SPAST: variants seen among roughly 807,000 people sequenced by gnomAD.
SPAST encodes the protein spastic paraplegia 4 (autosomal dominant; spastin).
Under a neutral mutation model 76.6 loss-of-function variants are expected in SPAST, and 30 were observed. The ratio of observed to expected loss-of-function variants is 0.39; its 90% CI spans 0.29 to 0.53. The LOEUF is 0.53. Ranked by LOEUF, SPAST falls within the 20% of genes least tolerant of loss-of-function variation. The pLI is 0.68. For missense variants in SPAST, 717 were observed against 770.5 expected, an observed-to-expected ratio of 0.93 and a Z score of 0.82; for synonymous variants, 305 against 281.0, an observed-to-expected ratio of 1.09 and a Z score of -0.86.
intron 13 of SPAST, among the ~76,000 whole-genome samples, chr2:32,143,001 C>G (rs902670123): frequency 6.6e-6 from 1 of 152,126 alleles, no homozygotes; most frequent in Non-Finnish European, 1.5e-5. Context: ...TGTGGTGTCT[C>G]ACGCCTATAA....
At chr2:32,100,124 A>C (rs931779095) in intron 4 of SPAST, among the ~76,000 whole-genome samples, 1 of 152,118 alleles carries the variant, frequency 6.6e-6, no homozygotes, top group African/African-American at 2.4e-5. Context: ...TTAGATTCCC[A>C]AAAGTAGCGT....
chr2:32,070,083 T>G (rs1431476133), intron 1 of SPAST, among the ~76,000 whole-genome samples: 2 of 150,196 alleles, frequency 1.3e-5, no homozygotes, highest in Admixed American at 6.7e-5. Flanking sequence ...TTTTTTTTTT[T>G]GTAATGGAGT....
At chr2:32,145,144 T>C in intron 15 of SPAST, 137 bp downstream of exon 15, 1 of 638,100 alleles carries the variant, frequency 1.6e-6, no homozygotes, top group South Asian at 1.8e-5. Context: ...CAGGCTGTAG[T>C]GCAGTGGCAC....
intron 4 of SPAST, among the ~76,000 whole-genome samples, chr2:32,112,377 T>G (rs1406520525): frequency 1.4e-5 from 2 of 145,390 alleles, no homozygotes; most frequent in Admixed American, 1.4e-4. Flanking sequence ...AGACGGAGTC[T>G]CACTCTGTTG....
chr2:32,137,312 ATC>A lies in SPAST; in HGVS notation c.1493+128_1493+129del, dbSNP rs1041628152. The A allele has an allele frequency of 3.1e-5, 25 of 818,284 alleles. No homozygotes were observed. In the Admixed American group the frequency reaches 4.7e-4, roughly 15 times the overall value. The allele number at this position is 818,284 out of a possible 1,614,324, so 50.7% of individuals were successfully genotyped here. On this transcript the variant is annotated intron_variant, in intron 12 of 16. Coordinates refer to ENST00000315285, the MANE Select transcript of SPAST (RefSeq NM_014946.4). ...AAATTCACTATTTTCTTCCAGTACT[ATC>A]TCTAGCCTCTTGTTACCAACTACAT...
At chr2:32,085,631 G>T (rs1677445003) in intron 1 of SPAST, among the ~76,000 whole-genome samples, 1 of 152,176 alleles carries the variant, frequency 6.6e-6, no homozygotes, top group Non-Finnish European at 1.5e-5. Flanking sequence ...ACCTGTTTAA[G>T]GGGATGAATA....
intron 3 of SPAST, among the ~76,000 whole-genome samples, chr2:32,096,289 G>T (rs1334834124): frequency 6.6e-6 from 1 of 152,148 alleles, no homozygotes; most frequent in Non-Finnish European, 1.5e-5. Flanking sequence ...ACAAAAATTA[G>T]CTGGGCATGG....
At chr2:32,090,443 T>G (rs1677665613) in intron 3 of SPAST, among the ~76,000 whole-genome samples, 1 of 152,218 alleles carries the variant, frequency 6.6e-6, no homozygotes, top group Non-Finnish European at 1.5e-5. Context: ...TTTCATATTA[T>G]ACCTCTAAAA....
At chr2:32,137,541 G>A (rs1321845331) in intron 12 of SPAST, among the ~76,000 whole-genome samples, 1 of 152,154 alleles carries the variant, frequency 6.6e-6, no homozygotes, top group Non-Finnish European at 1.5e-5. Flanking sequence ...CTGTTCTTGT[G>A]TGTTTGAGCA....
At chr2:32,134,040 A>T (rs1679455008) in intron 9 of SPAST, among the ~76,000 whole-genome samples, 1 of 152,028 alleles carries the variant, frequency 6.6e-6, no homozygotes, top group African/African-American at 2.4e-5. Context: ...CTATTTATTT[A>T]TTGATTTATT....
chr2:32,113,633 T>C (rs1008069653), intron 4 of SPAST, among the ~76,000 whole-genome samples: 14 of 143,758 alleles, frequency 9.7e-5, no homozygotes, highest in African/African-American at 3.6e-4. Context: ...TAGTGCAATC[T>C]CGGCTTACTG....
At chr2:32,100,891 T>C (rs998626635) in intron 4 of SPAST, among the ~76,000 whole-genome samples, 1 of 152,222 alleles carries the variant, frequency 6.6e-6, no homozygotes, top group Non-Finnish European at 1.5e-5. Flanking sequence ...TCCAAGTCTT[T>C]GCTATTGTGA....
intron 14 of SPAST, among the ~76,000 whole-genome samples, chr2:32,144,713 C>A (rs1679828783): frequency 6.6e-6 from 1 of 152,012 alleles, no homozygotes; most frequent in Non-Finnish European, 1.5e-5. Flanking sequence ...TGGCGAAACG[C>A]CATCTATACT....
At chr2:32,106,981 G>A (rs556221207) in intron 4 of SPAST, among the ~76,000 whole-genome samples, 2 of 151,598 alleles carry the variant, frequency 1.3e-5, no homozygotes, top group East Asian at 3.9e-4. Context: ...ATTCTACTAG[G>A]ATAAATAGCA....
At chr2:32,119,675 A>C (rs993345370) in intron 7 of SPAST, among the ~76,000 whole-genome samples, 2 of 152,194 alleles carry the variant, frequency 1.3e-5, no homozygotes, top group Non-Finnish European at 2.9e-5. Flanking sequence ...ATAATTTTTG[A>C]AAGTAGCCAA....
chr2:32,085,660 G>A (rs2148707386), intron 1 of SPAST, among the ~76,000 whole-genome samples: 1 of 152,228 alleles, frequency 6.6e-6, no homozygotes, highest in South Asian at 2.1e-4. Context: ...TATTTTCAGG[G>A]TGAAGAAACA....
At chr2:32,112,404 A>G (rs543194791) in intron 4 of SPAST, among the ~76,000 whole-genome samples, 2 of 148,228 alleles carry the variant, frequency 1.3e-5, no homozygotes, top group African/African-American at 2.5e-5. Context: ...CTGGAGTGCA[A>G]TGGAGTGATC....
At chr2:32,064,471 C>T (rs1676430306) in intron 1 of SPAST, among the ~76,000 whole-genome samples, 1 of 152,190 alleles carries the variant, frequency 6.6e-6, no homozygotes, top group Non-Finnish European at 1.5e-5. Context: ...GTTTCAGACA[C>T]CAGCCTTCCC....
chr2:32,127,143 T>C (rs1470004851), intron 8 of SPAST, 121 bp downstream of exon 8: 23 of 748,274 alleles, frequency 3.1e-5, no homozygotes, highest in Non-Finnish European at 1.9e-5. Context: ...TTGTACACTT[T>C]TGTTTTTTTT....
Sources: allele counts gnomAD v4.1 joint callset (sites outside exome capture counted in the v4.1 genomes callset), GRCh38; gene constraint gnomAD v4.1.1; transcripts MANE v1.5; gene names NCBI Gene and HGNC (gene_info 2026-07-23, HGNC 2026-07-21).